Variants in SLCO6A1 observed in about 807,000 individuals in gnomAD.
SLCO6A1 encodes solute carrier organic anion transporter family member 6A1.
In SLCO6A1, 65 loss-of-function variants were observed where a neutral mutation model predicts 72.7. The observed-to-expected ratio is 0.89, with a 90% CI of 0.73 to 1.10. The LOEUF is 1.10. Among genes scored for constraint, SLCO6A1 ranks in the 50% least tolerant of loss-of-function variants. The pLI is 0.00. For missense variants in SLCO6A1, 874 were observed against 872.6 expected, an observed-to-expected ratio of 1.00 and a Z score of -0.02; for synonymous variants, 314 against 298.2, an observed-to-expected ratio of 1.05 and a Z score of -0.55.
At chr5:102,460,063 A>G (rs1455694870) in intron 4 of SLCO6A1, among the ~76,000 whole-genome samples, 1 of 142,504 alleles carries the variant, frequency 7.0e-6, no homozygotes, top group Non-Finnish European at 1.6e-5. Flanking sequence ...GTTTCTTCCT[A>G]TTTAACTTTT....
chr5:102,438,573 G>A, intron 7 of SLCO6A1, 44 bp downstream of exon 7: 2 of 1,516,530 alleles, frequency 1.3e-6, no homozygotes, highest in Non-Finnish European at 1.8e-6. Flanking sequence ...CATACAATAA[G>A]ACAGTGCAAA....
At chr5:102,411,249 ATG>A (rs71226935) in intron 9 of SLCO6A1, among the ~76,000 whole-genome samples, 52 of 149,758 alleles carry the variant, frequency 3.5e-4, no homozygotes, top group Middle Eastern at 3.4e-3. Flanking sequence ...TTGTGTGTGT[ATG>A]TGTGTGTGTG....
At position 102,407,493 on chromosome 5, in the gene SLCO6A1, C is replaced by T. The variant is rs116689652; in HGVS notation, c.1626+5497G>A. Among the ~76,000 whole-genome samples, 836 of 152,268 alleles carry T rather than the reference C, an allele frequency of 5.5e-3. 4 individuals are homozygous for T. The highest frequency in any genetic ancestry group is 0.019 in the African/African-American group (803 of 41,568). On this transcript the variant is annotated intron_variant, in intron 9 of 13. Transcript: ENST00000506729. ...ATTCTTTCCTGGGCAAGGCCAAGAA[C>T]CTTCCCGGGCTAAGCCCCAATATTG...
intron 8 of SLCO6A1, among the ~76,000 whole-genome samples, chr5:102,416,699 C>G (rs1748305734): frequency 6.6e-6 from 1 of 152,024 alleles, no homozygotes; most frequent in Admixed American, 6.6e-5. Context: ...ATGCCTGTAA[C>G]AAAATTGCAA....
At chr5:102,438,556 A>G (rs756458710) in intron 7 of SLCO6A1, 61 bp downstream of exon 7, 14 of 1,286,924 alleles carry the variant, frequency 1.1e-5, no homozygotes, top group South Asian at 6.4e-5. Context: ...CAAGTATTTC[A>G]TAAGTACATA....
intron 12 of SLCO6A1, among the ~76,000 whole-genome samples, chr5:102,384,154 T>C (rs1032815492): frequency 8.6e-5 from 13 of 151,870 alleles, no homozygotes; most frequent in African/African-American, 3.1e-4. Flanking sequence ...TTTTTTTCTA[T>C]TATTTTTCTA....
chr5:102,386,099 A>C (rs1237272693), intron 12 of SLCO6A1, among the ~76,000 whole-genome samples: 3 of 152,140 alleles, frequency 2.0e-5, no homozygotes, highest in Non-Finnish European at 4.4e-5. Flanking sequence ...AGAAGTAGAC[A>C]TTTATTCCAG....
At chr5:102,391,073 A>G (rs1238736189) in intron 10 of SLCO6A1, 28 bp from the exon 11 acceptor site, 2 of 1,593,830 alleles carry the variant, frequency 1.3e-6, no homozygotes, top group South Asian at 2.2e-5. Flanking sequence ...TGATATAATC[A>G]GCACATCATT....
chr5:102,423,750 A>C (rs983214117), intron 7 of SLCO6A1, among the ~76,000 whole-genome samples: 1 of 152,234 alleles, frequency 6.6e-6, no homozygotes, highest in Admixed American at 6.5e-5. Flanking sequence ...CAGGACTTGA[A>C]CTCAGCTCTG....
At chr5:102,437,596 A>G (rs1471845211) in intron 7 of SLCO6A1, among the ~76,000 whole-genome samples, 1 of 152,110 alleles carries the variant, frequency 6.6e-6, no homozygotes, top group East Asian at 1.9e-4. Flanking sequence ...AAAATTTGTC[A>G]TTATGGCCAT....
Position 102,464,322 on chromosome 5 carries a change from T to C in SLCO6A1, c.900-4545A>G, listed in dbSNP as rs192767881. On this transcript the variant is annotated intron_variant, in intron 4 of 13. Coordinates refer to ENST00000506729, the MANE Select transcript of SLCO6A1 (RefSeq NM_173488.5). Reference sequence around the variant, plus strand: ...ACCATATACAAAGTTTAAGGACAGATTGGGAGAAATTATTTGTCATAGGTC... The same window carrying C: ...ACCATATACAAAGTTTAAGGACAGACTGGGAGAAATTATTTGTCATAGGTC... 4.2e-3 allele frequency among the ~76,000 whole-genome samples: 632 copies of C among 152,280 alleles called. 10 individuals are homozygous for C. Among genetic ancestry groups the C allele is most frequent in the African/African-American group, 0.015 (608 of 41,580 alleles).
intron 7 of SLCO6A1, among the ~76,000 whole-genome samples, chr5:102,422,019 T>C (rs1748634445): frequency 6.6e-6 from 1 of 152,130 alleles, no homozygotes; most frequent in Non-Finnish European, 1.5e-5. Context: ...AGCAGACCTG[T>C]AGAAGAGAAG....
At position 102,475,145 on chromosome 5, in the gene SLCO6A1, T is replaced by C. The variant is rs141226696; in HGVS notation, c.899+552A>G. ...TGGGATATTTGTACACCTGTATTAATTGCAGCATTATTCACAATAGTAAAG... is the reference window on the plus strand; with the variant it reads ...TGGGATATTTGTACACCTGTATTAACTGCAGCATTATTCACAATAGTAAAG... On this transcript the variant is annotated intron_variant, in intron 4 of 13. Coordinates refer to ENST00000506729, the MANE Select transcript of SLCO6A1 (RefSeq NM_173488.5). Among the ~76,000 whole-genome samples, 61 of 152,226 alleles carry C rather than the reference T, an allele frequency of 4.0e-4. No individual in the cohort carries two copies. The Middle Eastern group carries it at 0.01, about 25-fold the overall frequency.
intron 10 of SLCO6A1, among the ~76,000 whole-genome samples, chr5:102,394,043 T>A (rs1478364850): frequency 1.3e-5 from 2 of 152,198 alleles, no homozygotes; most frequent in Non-Finnish European, 2.9e-5. Context: ...ATTGCCAGCA[T>A]CTAGCGTGCA....
chr5:102,413,780 T>G (rs1748121421), intron 8 of SLCO6A1, among the ~76,000 whole-genome samples: 1 of 152,208 alleles, frequency 6.6e-6, no homozygotes, highest in African/African-American at 2.4e-5. Context: ...TGGTATGGTC[T>G]CTTTTTAAAA....
chr5:102,440,939 G>A (rs185606347), intron 6 of SLCO6A1, among the ~76,000 whole-genome samples: 1 of 152,100 alleles, frequency 6.6e-6, no homozygotes, highest in Non-Finnish European at 1.5e-5. Flanking sequence ...GATTCTTTTT[G>A]TGTGTATGAA....
At chr5:102,461,419 T>A (rs1185799626) in intron 4 of SLCO6A1, among the ~76,000 whole-genome samples, 1 of 152,020 alleles carries the variant, frequency 6.6e-6, no homozygotes, top group African/African-American at 2.4e-5. Flanking sequence ...AACCTGAGAG[T>A]ATAAAATTTA....
Position 102,477,761 on chromosome 5 carries a change from C to CTGCACA in SLCO6A1, c.711_716dup (p.Val238_Gln239insHisVal). On this transcript the variant is annotated inframe_insertion, in exon 3 of 14. Transcript: ENST00000506729. ...TATAAAGAGGCATTCCTGCTATTCC[C>CTGCACA]TGCACAGTCTGCCCAAGGATGAAGA... 1 of 1,613,746 alleles carries CTGCACA rather than the reference C, an allele frequency of 6.2e-7. No homozygotes were observed. Among genetic ancestry groups the CTGCACA allele is most frequent in the African/African-American group, 1.3e-5 (1 of 75,006 alleles).
rs1748496061 is a variant in SLCO6A1, at chr5:102,419,918, A to T, written c.1380T>A (p.Val460=). 1 of 1,609,450 alleles carries T rather than the reference A, an allele frequency of 6.2e-7. No homozygotes were observed. The highest frequency in any genetic ancestry group is 8.5e-7 in the Non-Finnish European group (1 of 1,178,572). The change falls in exon 8 of 14, where the codon GTT becomes GTA. Residue 460 remains valine (V), a synonymous_variant. Coordinates refer to ENST00000506729, the MANE Select transcript of SLCO6A1 (RefSeq NM_173488.5). ...GCAGTATAAGTGATATCACAGATGT[A>T]ACCATTATAAATCTCATAAGGGCTT... ...SCKALMRFIM[V]TSVISLILLV... is the part of the protein sequence containing the mutation.
Sources: gnomAD v4.1 joint callset for allele counts (sites outside exome capture counted in the v4.1 genomes callset) on GRCh38, gnomAD v4.1.1 for gene constraint, MANE v1.5 for transcripts, NCBI Gene and HGNC (gene_info 2026-07-23, HGNC 2026-07-21) for gene names.